Variants in ESR1 observed in about 807,000 individuals in gnomAD.
ESR1 encodes estrogen receptor 1, also known as estrogen receptor.
A neutral mutation model predicts 52.7 loss-of-function variants in ESR1; 12 were observed. The ratio of observed to expected loss-of-function variants is 0.23; its 90% CI spans 0.15 to 0.37. The LOEUF (loss-of-function observed/expected upper bound fraction) is 0.37, where lower values mean the gene tolerates loss of function less well. Ranked by LOEUF, ESR1 falls within the 10% of genes least tolerant of loss-of-function variation. ESR1 has a pLI of 1.00. For synonymous variants in ESR1, 305 were observed against 316.8 expected (o/e 0.96, Z 0.39); for missense variants, 584 against 779.7 (o/e 0.75, Z 2.99).
chr6:152,050,853 G>C (rs1168992355), intron 5 of ESR1, among the ~76,000 whole-genome samples: 1 of 152,192 alleles, frequency 6.6e-6, no homozygotes, highest in African/African-American at 2.4e-5. Flanking sequence ...CAGGCTTTTT[G>C]TCAATTGTCA....
At position 152,109,259 on chromosome 6, in the gene ESR1, C is replaced by T. The variant is rs115763355; in HGVS notation, c.851-16007C>T. Among the ~76,000 whole-genome samples, 1,082 of 152,310 alleles carry T rather than the reference C, an allele frequency of 7.1e-3. 20 individuals carry two copies. The highest frequency in any genetic ancestry group is 0.025 in the African/African-American group (1,051 of 41,564). On this transcript the variant is annotated intron_variant, in intron 6 of 6. Coordinates refer to the ESR1 transcript ENST00000427531. Reference sequence around the variant, plus strand: ...TTTGACATGAGATTTGACGAGGACACAGATCCAAACTACATCATACGCCTT... The same window carrying T: ...TTTGACATGAGATTTGACGAGGACATAGATCCAAACTACATCATACGCCTT...
intron 5 of ESR1, among the ~76,000 whole-genome samples, chr6:152,044,807 G>C (rs2046095019): frequency 6.6e-6 from 1 of 152,072 alleles, no homozygotes; most frequent in Non-Finnish European, 1.5e-5. Flanking sequence ...ATTGAGGATG[G>C]GTCTCTATCT....
intron 5 of ESR1, among the ~76,000 whole-genome samples, chr6:152,039,834 G>T (rs1205596379): frequency 6.6e-6 from 1 of 152,216 alleles, no homozygotes; most frequent in Admixed American, 6.5e-5. Flanking sequence ...GCTTCAGGAT[G>T]ATGGGGAACA....
chr6:151,686,002 A>T (rs1477413240), upstream of ESR1, among the ~76,000 whole-genome samples: 2 of 148,382 alleles, frequency 1.3e-5, no homozygotes, highest in African/African-American at 5.1e-5. Context: ...CAGTTCTCCC[A>T]CCACAGCCTC....
chr6:152,072,366 G>A (rs1236034722), intron 6 of ESR1, among the ~76,000 whole-genome samples: 2 of 151,958 alleles, frequency 1.3e-5, no homozygotes, highest in African/African-American at 4.8e-5. Flanking sequence ...TTTTTTAAGT[G>A]ATATTTTAAG....
intron 3 of ESR1, among the ~76,000 whole-genome samples, chr6:151,909,661 C>T (rs1797966747): frequency 6.6e-6 from 1 of 152,136 alleles, no homozygotes. Flanking sequence ...TTCCCTCAGC[C>T]ACCACTGGGT....
chr6:151,808,945 C>G (rs1335765420), intron 1 of ESR1, among the ~76,000 whole-genome samples: 1 of 152,166 alleles, frequency 6.6e-6, no homozygotes, highest in East Asian at 1.9e-4. Flanking sequence ...CTCCCCACCC[C>G]ACGTCCTGGG....
chr6:151,716,807 C>T (rs1781075975), intron 2 of ESR1, among the ~76,000 whole-genome samples: 1 of 152,142 alleles, frequency 6.6e-6, no homozygotes, highest in African/African-American at 2.4e-5. Flanking sequence ...ACATTGGCTC[C>T]CTGGCTTCAG....
chr6:152,000,774 G>T (rs1362386780), intron 4 of ESR1, among the ~76,000 whole-genome samples: 1 of 151,928 alleles, frequency 6.6e-6, no homozygotes, highest in Non-Finnish European at 1.5e-5. Flanking sequence ...GGGGTTTATG[G>T]TTTTGTTTTG....
At chr6:152,057,919 G>T (rs578142021) in intron 5 of ESR1, among the ~76,000 whole-genome samples, 1 of 152,084 alleles carries the variant, frequency 6.6e-6, no homozygotes, top group East Asian at 1.9e-4. Context: ...CGAGCTCTTC[G>T]TGGGAAACTA....
intron 2 of ESR1, among the ~76,000 whole-genome samples, chr6:151,739,492 T>C (rs1253860150): frequency 6.6e-6 from 1 of 152,216 alleles, no homozygotes; most frequent in Admixed American, 6.5e-5. Flanking sequence ...AGTCCCATTC[T>C]GATTGTGTAT....
At chr6:152,027,152 G>T (rs1270997727) in intron 5 of ESR1, among the ~76,000 whole-genome samples, 2 of 152,030 alleles carry the variant, frequency 1.3e-5, no homozygotes, top group Admixed American at 1.3e-4. Context: ...TTTTAGTAGA[G>T]ACAGGGTTTC....
chr6:151,862,740 GC>G (rs1463223996), intron 2 of ESR1, among the ~76,000 whole-genome samples: 2 of 152,082 alleles, frequency 1.3e-5, no homozygotes, highest in Admixed American at 1.3e-4. Context: ...CTCACACTTA[GC>G]CTTTTTCCTA....
intron 1 of ESR1, among the ~76,000 whole-genome samples, chr6:151,691,858 C>A (rs2115349264): frequency 6.6e-6 from 1 of 152,252 alleles, no homozygotes; most frequent in East Asian, 1.9e-4. Context: ...CAAATATTTT[C>A]TTTGATTTTG....
intron 6 of ESR1, among the ~76,000 whole-genome samples, chr6:152,066,006 A>G (rs1310203655): frequency 6.6e-6 from 1 of 152,238 alleles, no homozygotes; most frequent in Non-Finnish European, 1.5e-5. Context: ...TTTAGTGTTT[A>G]GCAAAAAAGG....
chr6:151,917,033 C>T (rs1036083444), intron 3 of ESR1, among the ~76,000 whole-genome samples: 2 of 152,150 alleles, frequency 1.3e-5, no homozygotes, highest in African/African-American at 4.8e-5. Context: ...GCAGGCACTT[C>T]TTGTCCAAGA....
chr6:151,828,187 A>G (rs1781825670), intron 1 of ESR1, among the ~76,000 whole-genome samples: 1 of 152,176 alleles, frequency 6.6e-6, no homozygotes, highest in African/African-American at 2.4e-5. Flanking sequence ...GGTATCTTTA[A>G]TTATTTTGGG....
At chr6:152,086,370 A>C (rs2049717989) in intron 6 of ESR1, among the ~76,000 whole-genome samples, 1 of 149,926 alleles carries the variant, frequency 6.7e-6, no homozygotes, top group Admixed American at 6.7e-5. Context: ...TTATTACAAA[A>C]TGTATTTAAA....
At chr6:151,776,839 TA>T (rs562972947) in intron 2 of ESR1, among the ~76,000 whole-genome samples, 5,196 of 133,452 alleles carry the variant, frequency 0.039, 84 homozygotes, top group Non-Finnish European at 0.051. Context: ...AACTCCGTCT[TA>T]AAAAAAAAAA....
Sources: allele counts gnomAD v4.1 joint callset (sites outside exome capture counted in the v4.1 genomes callset), GRCh38; gene constraint gnomAD v4.1.1; transcripts MANE v1.5; gene names NCBI Gene and HGNC (gene_info 2026-07-23, HGNC 2026-07-21).